The following MAST3 variants were observed in gnomAD, a reference collection of about 807,000 sequenced individuals.
The protein encoded by MAST3 is microtubule-associated serine/threonine-protein kinase 3.
In MAST3, 43 loss-of-function variants were observed where a neutral mutation model predicts 127.0. The ratio of observed to expected loss-of-function variants is 0.34; its 90% confidence interval spans 0.27 to 0.44. The LOEUF is 0.44. MAST3 is among the 20% of genes least tolerant of loss of function. The probability of loss-of-function intolerance (pLI) is 1.00; values close to 1 mark genes in which losing one functional copy is unlikely to be tolerated. For synonymous variants in MAST3, 785 were observed against 809.2 expected (o/e 0.97, Z 0.51); for missense variants, 1,390 against 1,919.1 (o/e 0.72, Z 5.15).
intron 3 of MAST3, among the ~76,000 whole-genome samples, chr19:18,117,571 G>C (rs542384627): frequency 6.6e-6 from 1 of 152,294 alleles, no homozygotes; most frequent in African/African-American, 2.4e-5. Flanking sequence ...TTTCAGAGGA[G>C]AGGACGCAGT....
At chr19:18,138,754 C>G (rs761639704) in intron 19 of MAST3, among the ~76,000 whole-genome samples, 16 of 152,174 alleles carry the variant, frequency 1.1e-4, no homozygotes, top group Non-Finnish European at 2.1e-4. Context: ...CCACCTTGGC[C>G]TCTCAAAGTG....
chr19:18,114,986 C>A (rs2039065615), intron 3 of MAST3, among the ~76,000 whole-genome samples: 1 of 152,144 alleles, frequency 6.6e-6, no homozygotes. Flanking sequence ...GAGACTTTGG[C>A]ATTTACAGTC....
chr19:18,141,045 C>T (rs1422208800), intron 20 of MAST3, among the ~76,000 whole-genome samples: 4 of 152,154 alleles, frequency 2.6e-5, no homozygotes, highest in Non-Finnish European at 5.9e-5. Flanking sequence ...CCGCCTGCCT[C>T]AGCCTCCCAA....
rs1367239947 is a variant in MAST3 at position 18,133,291 on chromosome 19, A to ACAC, written c.1571+1245_1571+1246insACC. Reference sequence around the variant, plus strand: ...TATCACATTTTCTTGGTTGGCATGTACTTGTTAGGCACCAGGTGTATACAA... The same window carrying ACAC: ...TATCACATTTTCTTGGTTGGCATGTACACCTTGTTAGGCACCAGGTGTATACAA... On this transcript the variant is annotated intron_variant, in intron 15 of 27. Transcript: ENST00000687212. 2.0e-5 allele frequency among the ~76,000 whole-genome samples: 3 copies of ACAC among 152,252 alleles called. No individual in the cohort carries two copies. The East Asian group carries it at 5.8e-4, about 29-fold the overall frequency.
intron 1 of MAST3, among the ~76,000 whole-genome samples, chr19:18,100,128 C>CTCTTTTTTTTTTTTT (rs776661078): frequency 3.3e-5 from 4 of 121,720 alleles, no homozygotes; most frequent in Admixed American, 9.5e-5. Context: ...CTCTCTCTCT[C>CTCTTTTTTTTTTTTT]TTTTTTTTTT....
intron 3 of MAST3, among the ~76,000 whole-genome samples, chr19:18,118,592 G>A (rs1017354486): frequency 1.2e-4 from 18 of 152,190 alleles, no homozygotes; most frequent in African/African-American, 3.1e-4. Flanking sequence ...CTGATCTGCC[G>A]CTGGGGGTCC....
intron 27 of MAST3, among the ~76,000 whole-genome samples, chr19:18,148,285 G>A (rs915960761): frequency 6.6e-6 from 1 of 151,166 alleles, no homozygotes; most frequent in Non-Finnish European, 1.5e-5. Flanking sequence ...TGGGCAACAA[G>A]AGCAAAACTC....
intron 3 of MAST3, among the ~76,000 whole-genome samples, chr19:18,114,925 G>A (rs2039055887): frequency 6.6e-6 from 1 of 152,108 alleles, no homozygotes; most frequent in South Asian, 2.1e-4. Context: ...AAGCGCTGGG[G>A]TAGTCCCACT....
In MAST3 at chr19:18,110,030, G is replaced by T. The variant is rs2038403769; in HGVS notation, c.72-622G>T. The T allele has an allele frequency of 1.0e-6, 1 of 985,290 alleles. No homozygotes were observed. Among genetic ancestry groups the T allele is most frequent in the South Asian group, 4.7e-5 (1 of 21,298 alleles). The allele number at this position is 985,290 out of a possible 1,614,324, so 61.0% of individuals were successfully genotyped here. A position where few individuals can be genotyped will look rare whatever the true frequency, so the allele number is the denominator to read the frequency against. On this transcript the variant is annotated intron_variant, in intron 2 of 27. Transcript: ENST00000687212. The surrounding 1 kb of genome is among the most constrained non-coding windows in gnomAD (Gnocchi z 4.3). ...GGGGGCTCCCAAGCCGGCGGCCTCGGCGTCCCTGCGGCAGACAGGGCGGCA... is the reference window on the plus strand; with the variant it reads ...GGGGGCTCCCAAGCCGGCGGCCTCGTCGTCCCTGCGGCAGACAGGGCGGCA...
chr19:18,108,465 C>G (rs1413386866), intron 2 of MAST3, among the ~76,000 whole-genome samples: 1 of 151,852 alleles, frequency 6.6e-6, no homozygotes, highest in South Asian at 2.1e-4. Flanking sequence ...CCACTGCCTC[C>G]CAGGTTCAAG....
chr19:18,126,842 A>G (rs273491), intron 11 of MAST3, among the ~76,000 whole-genome samples: 141,890 of 151,212 alleles, frequency 0.94, 66,598 homozygotes, highest in East Asian at 0.96. Flanking sequence ...GTGCAGTGGC[A>G]CGATCTTGGC....
Position 18,141,942 on chromosome 19 carries a change from T to C in MAST3, c.2266T>C (p.Phe756Leu). Residue 756 changes from phenylalanine to leucine, a missense_variant, in exon 21 of 28, where the codon TTC becomes CTC. By Grantham distance (22) the Phe-to-Leu change is conservative (BLOSUM62 0). Transcript: ENST00000687212. ...QPTPTFAERS[F>L]SEDREEGWER... Reference sequence around the variant, plus strand: ...CACTCCTACCTTCGCTGAAAGGAGCTTCAGTGAAGACCGGGAGGAGGGGTG... The same window carrying C: ...CACTCCTACCTTCGCTGAAAGGAGCCTCAGTGAAGACCGGGAGGAGGGGTG... 1 of 1,559,466 alleles carries C rather than the reference T, an allele frequency of 6.4e-7. No individual in the cohort carries two copies. Among genetic ancestry groups the C allele is most frequent in the Non-Finnish European group, 8.7e-7 (1 of 1,150,254 alleles).
At chr19:18,116,547 G>A (rs80048023) in intron 3 of MAST3, among the ~76,000 whole-genome samples, 76,331 of 147,444 alleles carry the variant, frequency 0.52, 19,866 homozygotes, top group East Asian at 0.64. Context: ...CGCCCGCTTC[G>A]GCCTCCCAAA....
Position 18,142,006 on chromosome 19 carries a change from C to T in MAST3, c.2330C>T (p.Ala777Val). The part of the protein sequence containing the change: ...SEVDYGRRLS[A>V]DIRLRSWTSS... Reference sequence around the variant, plus strand: ...GTGGACTATGGCCGCCGGCTGAGTGCTGACATCCGGTAAGTGGCCTGGGGA... The same window carrying T: ...GTGGACTATGGCCGCCGGCTGAGTGTTGACATCCGGTAAGTGGCCTGGGGA... The change falls in exon 21 of 28, where the codon GCT becomes GTT. Residue 777 changes from alanine (A) to valine (V), a missense_variant. Physicochemically the swap from Ala to Val is moderately conservative, Grantham distance 64. Transcript: ENST00000687212. The T allele has an allele frequency of 6.7e-7, 1 of 1,497,842 alleles. No homozygotes were observed. The highest frequency in any genetic ancestry group is 1.3e-5 in the South Asian group (1 of 74,180). 92.8% of individuals were successfully genotyped at this position (1,497,842 alleles called of 1,614,324 possible).
chr19:18,129,148 T>C (rs943395194), intron 13 of MAST3, 197 bp downstream of exon 13: 7 of 599,486 alleles, frequency 1.2e-5, no homozygotes, highest in Non-Finnish European at 2.1e-5. Flanking sequence ...GTGTGCTCTG[T>C]CCACGAGCCA....
intron 18 of MAST3, among the ~76,000 whole-genome samples, chr19:18,136,983 G>A (rs1371895029): frequency 2.0e-5 from 3 of 151,990 alleles, no homozygotes; most frequent in South Asian, 2.1e-4. Flanking sequence ...CACCACACCC[G>A]GCTAATTTTT....
rs559028394 is a variant in MAST3 at position 18,133,147 on chromosome 19, G to A, written c.1571+1100G>A. ...ATGTTTTCAGGGCATTTTGCAGTTG[G>A]CAAGTGGCTTAGAAAACAGACATGT... On this transcript the variant is annotated intron_variant, in intron 15 of 27. Transcript: ENST00000687212. Among the ~76,000 whole-genome samples, 5 of 151,792 alleles carry A rather than the reference G, an allele frequency of 3.3e-5. No homozygotes were observed. In the East Asian group the frequency reaches 5.8e-4, roughly 18 times the overall value.
chr19:18,135,086 G>C (rs2041752891), intron 17 of MAST3, 104 bp downstream of exon 17: 1 of 1,380,840 alleles, frequency 7.2e-7, no homozygotes, highest in Non-Finnish European at 9.9e-7. Context: ...AGAGGGGAGG[G>C]AGTTGGATGC....
chr19:18,111,530 C>CTTTTTTTT lies in MAST3; in HGVS notation c.161+804_161+811dup, dbSNP rs576984210. Among the ~76,000 whole-genome samples, 266 of 103,234 alleles carry CTTTTTTTT rather than the reference C, an allele frequency of 2.6e-3. 32 individuals carry two copies. Among genetic ancestry groups the CTTTTTTTT allele is most frequent in the African/African-American group, 0.011 (245 of 21,606 alleles). The allele number at this position is 103,234 out of a possible 152,430, so 67.7% of individuals were successfully genotyped here. ...TGAGCTGCTTAACTCTTTCCACAGA[C>CTTTTTTTT]TTTTTTTTTTTTTTTTTTTTTTGAG... is the stretch of plus-strand genomic sequence containing the variant. On this transcript the variant is annotated intron_variant, in intron 3 of 27. Coordinates refer to ENST00000687212, the MANE Select transcript of MAST3 (RefSeq NM_001393504.1).
Sources: allele counts gnomAD v4.1 joint callset (sites outside exome capture counted in the v4.1 genomes callset), GRCh38; gene constraint gnomAD v4.1.1; non-coding constraint Gnocchi (gnomAD v3.1); transcripts MANE v1.5; gene names NCBI Gene and HGNC (gene_info 2026-07-23, HGNC 2026-07-21).